Variants in PRKACA observed in about 807,000 individuals in gnomAD.
The protein encoded by PRKACA is protein kinase cAMP-activated catalytic subunit alpha.
In PRKACA, 9 loss-of-function variants were observed where a neutral mutation model predicts 45.8. The observed-to-expected ratio is 0.20, with a 90% CI of 0.12 to 0.34. The LOEUF (loss-of-function observed/expected upper bound fraction) is 0.34. Among genes scored for constraint, PRKACA ranks in the 10% least tolerant of loss-of-function variants. PRKACA has a pLI of 1.00. For synonymous variants in PRKACA, 160 were observed against 178.6 expected, an observed-to-expected ratio of 0.90 and a Z score of 0.83; for missense variants, 238 against 458.6, an observed-to-expected ratio of 0.52 and a Z score of 4.39.
At chr19:14,093,991 G>C (rs1977172433) in intron 8 of PRKACA, among the ~76,000 whole-genome samples, 199 bp from the exon 9 acceptor site, 1 of 152,038 alleles carries the variant, frequency 6.6e-6, no homozygotes, top group South Asian at 2.1e-4. Flanking sequence ...CTGAGAATCT[G>C]CATTTCTTTA....
Position 14,097,535 on chromosome 19 carries a change from C to T in PRKACA, c.642+44G>A. On this transcript the variant is annotated intron_variant, in intron 7 of 9. Coordinates refer to ENST00000308677, the MANE Select transcript of PRKACA (RefSeq NM_002730.4). The surrounding 1 kb of genome is among the most constrained non-coding windows in gnomAD (Gnocchi z 5.4). ...TGAGGAGGAGGCGAGAGCAGGAGAG[C>T]AGAGCCGGCCTCAGGGGAAGGGGAG... 6.2e-7 allele frequency: 1 copy of T among 1,613,144 alleles called. No individual in the cohort carries two copies. The highest frequency in any genetic ancestry group is 1.1e-5 in the South Asian group (1 of 90,996).
At chr19:14,106,644 ACT>A in intron 3 of PRKACA, 114 bp downstream of exon 3, 1 of 1,413,714 alleles carries the variant, frequency 7.1e-7, no homozygotes, top group Non-Finnish European at 9.8e-7. Context: ...ACAGAGCGAG[ACT>A]CTGAATCAAA....
At chr19:14,104,468 C>T (rs953685815) in intron 3 of PRKACA, among the ~76,000 whole-genome samples, 6 of 147,408 alleles carry the variant, frequency 4.1e-5, no homozygotes, top group Non-Finnish European at 7.5e-5. Context: ...AGGCCGAGGC[C>T]GGTGGATTAC....
Position 14,114,189 on chromosome 19 carries a change from G to A in PRKACA, c.46+3313C>T, listed in dbSNP as rs371751315. 1.4e-4 allele frequency: 221 copies of A among 1,606,820 alleles called. No homozygotes were observed. In the African/African-American group the frequency reaches 2.4e-3, roughly 18 times the overall value. On this transcript the variant is annotated intron_variant, in intron 1 of 9. Transcript: ENST00000308677. ...CCTGTTCTCAGGGCACCGGCACTAC[G>A]GTGGCTGGGAAGGCTCATGAGACCT...
Position 14,097,883 on chromosome 19 carries a change from G to A in PRKACA, c.427C>T (p.His143Tyr). The part of the protein sequence containing the change: ...LRRIGRFSEP[H>Y]ARFYAAQIVL... ...ATCTGGGCCGCGTAGAAACGGGCAT[G>A]GGGCTCACTGATGGGGACAAATGGG... The change falls in exon 6 of 10, where the codon CAT (histidine) becomes TAT (tyrosine). Residue 143 changes from histidine (H) to tyrosine (Y), a missense_variant. By Grantham distance (83) the His-to-Tyr change is moderately conservative. Transcript: ENST00000308677. The surrounding 1 kb of genome is among the most constrained non-coding windows in gnomAD (Gnocchi z 5.4). 6.2e-7 allele frequency: 1 copy of A among 1,614,170 alleles called. No individual in the cohort carries two copies. The highest frequency in any genetic ancestry group is 1.1e-5 in the South Asian group (1 of 91,086).
At chr19:14,109,455 A>C (rs1977706741) in intron 1 of PRKACA, among the ~76,000 whole-genome samples, 1 of 151,390 alleles carries the variant, frequency 6.6e-6, no homozygotes, top group African/African-American at 2.4e-5. Flanking sequence ...CTCCAAAACA[A>C]AACAAAAAAA....
Position 14,097,690 on chromosome 19 carries a change from C to G in PRKACA, c.547-16G>C, listed in dbSNP as rs780955908. On this transcript the variant is annotated splice_polypyrimidine_tract_variant and intron_variant, in intron 6 of 9. Transcript: ENST00000308677. This position sits in a 1 kb window ranked among gnomAD's most constrained non-coding sequence, Gnocchi z 5.4. ...AGTCTGTCACCTGTGGGCACAAGAA[C>G]AGGCAGTTGGCAGGGAGGAAGGGTC... 1 of 1,611,066 alleles carries G rather than the reference C, an allele frequency of 6.2e-7. No homozygotes were observed. The highest frequency in any genetic ancestry group is 1.3e-5 in the African/African-American group (1 of 74,880).
chr19:14,100,807 TGGG>T lies in PRKACA; in HGVS notation c.419+16_419+18del, dbSNP rs1205809188. 2 of 1,612,940 alleles carry T rather than the reference TGGG, an allele frequency of 1.2e-6. No individual in the cohort carries two copies. Among genetic ancestry groups the T allele is most frequent in the Non-Finnish European group, 1.7e-6 (2 of 1,178,972 alleles). On this transcript the variant is annotated intron_variant, in intron 5 of 9. Coordinates refer to ENST00000308677, the MANE Select transcript of PRKACA (RefSeq NM_002730.4). ...TGGACACCCTGACAGCCTGATGTGA[TGGG>T]GGGTGGCCCGCTTACCTGAACCTTC...
intron 1 of PRKACA, among the ~76,000 whole-genome samples, chr19:14,115,685 C>T (rs1253960997): frequency 3.3e-5 from 5 of 152,154 alleles, no homozygotes; most frequent in Admixed American, 3.3e-4. Context: ...CTTCCAGAGC[C>T]TCTGATCTTT....
chr19:14,097,080 T>G lies in PRKACA; in HGVS notation c.765+281A>C. The G allele has an allele frequency of 4.5e-6, 2 of 443,756 alleles. No individual in the cohort carries two copies. Among genetic ancestry groups the G allele is most frequent in the Non-Finnish European group, 4.2e-6 (1 of 239,526 alleles). The allele number at this position is 443,756 out of a possible 1,614,324, so 27.5% of individuals were successfully genotyped here. On this transcript the variant is annotated intron_variant, in intron 8 of 9. Coordinates refer to ENST00000308677, the MANE Select transcript of PRKACA (RefSeq NM_002730.4). The surrounding 1 kb of genome is among the most constrained non-coding windows in gnomAD (Gnocchi z 5.4). ...CTGGGATGAGGAGCGAAAAGGAGGGTCGTCTGGCAGGGCGGTTTGTGTTCT... is the reference window on the plus strand; with the variant it reads ...CTGGGATGAGGAGCGAAAAGGAGGGGCGTCTGGCAGGGCGGTTTGTGTTCT...
chr19:14,093,041 A>ATGC lies in PRKACA; in HGVS notation c.*70_*71insGCA. 4.8e-5 allele frequency: 24 copies of ATGC among 500,014 alleles called. 1 individual carries two copies. Among genetic ancestry groups the ATGC allele is most frequent in the Non-Finnish European group, 7.2e-5 (20 of 278,302 alleles). The allele number at this position is 500,014 out of a possible 1,614,324, so 31.0% of individuals were successfully genotyped here. A position where few individuals can be genotyped will look rare whatever the true frequency, so the allele number is the denominator to read the frequency against. On this transcript the variant is annotated 3_prime_UTR_variant, in exon 10 of 10. Transcript: ENST00000308677. ...CTGGGGCCCTCTGGCTGTTCAATCCAACCCTCCCACCCCCCCGACCAAAAA... is the reference window on the plus strand; with the variant it reads ...CTGGGGCCCTCTGGCTGTTCAATCCATGCACCCTCCCACCCCCCCGACCAAAAA...
intron 1 of PRKACA, among the ~76,000 whole-genome samples, chr19:14,115,527 G>A (rs1482046365): frequency 6.6e-6 from 1 of 152,110 alleles, no homozygotes; most frequent in Non-Finnish European, 1.5e-5. Flanking sequence ...ATAACAGCCC[G>A]TTATGAAAGT....
Position 14,093,048 on chromosome 19 carries a change from C to G in PRKACA, c.*64G>C. ...CCTCTGGCTGTTCAATCCAACCCTC[C>G]CACCCCCCCGACCAAAAAAAAGAAA... On this transcript the variant is annotated 3_prime_UTR_variant, in exon 10 of 10. Coordinates refer to ENST00000308677, the MANE Select transcript of PRKACA (RefSeq NM_002730.4). The G allele has an allele frequency of 1.0e-5, 7 of 686,946 alleles. No homozygotes were observed. The highest frequency in any genetic ancestry group is 1.1e-5 in the Non-Finnish European group (5 of 457,088). 42.6% of individuals were successfully genotyped at this position (686,946 alleles called of 1,614,324 possible).
chr19:14,091,916 TACG>T lies in PRKACA; in HGVS notation c.*1193_*1195del, dbSNP rs1977082141. 1.3e-5 allele frequency: 2 copies of T among 151,864 alleles called. No individual in the cohort carries two copies. The highest frequency in any genetic ancestry group is 1.3e-4 in the Admixed American group (2 of 15,264). 9.4% of individuals were successfully genotyped at this position (151,864 alleles called of 1,614,324 possible). ...CCCCAGCGGCTCCCCACTTTTCTAT[TACG>T]AGAGAAAAAAGCACAAATGAGAAAG... On this transcript the variant is annotated 3_prime_UTR_variant, in exon 10 of 10. Transcript: ENST00000308677.
At chr19:14,098,030 C>T in intron 5 of PRKACA, 140 bp from the exon 6 acceptor site, 2 of 1,070,700 alleles carry the variant, frequency 1.9e-6, no homozygotes, top group Non-Finnish European at 2.7e-6. Flanking sequence ...TCTTAGATAG[C>T]CCGACATGGG....
intron 1 of PRKACA, chr19:14,114,265 T>C: frequency 1.4e-6 from 2 of 1,464,848 alleles, no homozygotes; most frequent in African/African-American, 1.4e-5. Context: ...CAGGGGGAGC[T>C]AGGGAGCCGT....
At chr19:14,099,978 C>T (rs1160745091) in intron 5 of PRKACA, among the ~76,000 whole-genome samples, 1 of 151,794 alleles carries the variant, frequency 6.6e-6, no homozygotes, top group African/African-American at 2.4e-5. Flanking sequence ...GTAGCTGGGA[C>T]TATAGGCGCC....
intron 4 of PRKACA, among the ~76,000 whole-genome samples, chr19:14,101,690 G>T (rs1177460824): frequency 6.6e-5 from 10 of 151,866 alleles, no homozygotes; most frequent in Non-Finnish European, 1.0e-4. Flanking sequence ...GGGAAACCCT[G>T]TCTCTACTAA....
chr19:14,093,451 A>G (rs1977153073), intron 9 of PRKACA, among the ~76,000 whole-genome samples, 177 bp downstream of exon 9: 1 of 152,208 alleles, frequency 6.6e-6, no homozygotes, highest in East Asian at 1.9e-4. Flanking sequence ...TCTGTTGCAC[A>G]AGGTCATGGA....
Sources: allele counts gnomAD v4.1 joint callset (sites outside exome capture counted in the v4.1 genomes callset), GRCh38; gene constraint gnomAD v4.1.1; non-coding constraint Gnocchi (gnomAD v3.1); transcripts MANE v1.5; gene names NCBI Gene and HGNC (gene_info 2026-07-23, HGNC 2026-07-21).